The following CA5B variants were observed in gnomAD, a reference collection of about 807,000 sequenced individuals.
CA5B encodes carbonic anhydrase 5B.
CA5B carries 15 observed loss-of-function variants against 23.1 expected under a neutral mutation model. The ratio of observed to expected loss-of-function variants is 0.65; its 90% CI spans 0.43 to 1.00. The LOEUF (loss-of-function observed/expected upper bound fraction) is 1.00, where lower values mean the gene tolerates loss of function less well. Ranked by LOEUF, CA5B falls within the 50% of genes least tolerant of loss-of-function variation. CA5B has a pLI of 0.00. For synonymous variants in CA5B, 84 were observed against 98.5 expected (o/e 0.85, Z 0.87); for missense variants, 236 against 252.2 (o/e 0.94, Z 0.43).
At chrX:15,757,358 A>G (rs1476165396) in intron 2 of CA5B, among the ~76,000 whole-genome samples, 1 of 112,071 alleles carries the variant, frequency 8.9e-6, no homozygotes, top group Non-Finnish European at 1.9e-5. Flanking sequence ...CTACTAAAAA[A>G]TAGAAAAATT....
chrX:15,776,606 G>A (rs760884987), intron 6 of CA5B, 108 bp from the exon 7 acceptor site: 1 of 595,355 alleles, frequency 1.7e-6, no homozygotes, highest in East Asian at 3.3e-5. Flanking sequence ...AGCTGCTCTG[G>A]ACCACTGCTG....
intron 6 of CA5B, chrX:15,776,018 G>C (rs1323568418): frequency 1.3e-6 from 1 of 751,169 alleles, no homozygotes; most frequent in Non-Finnish European, 1.6e-6. Flanking sequence ...TTCTTAAAAG[G>C]ACAATTCTCA....
chrX:15,787,843 A>G lies in CA5B; in HGVS notation c.*5179A>G, dbSNP rs1202394176. On this transcript the variant is annotated 3_prime_UTR_variant, in exon 8 of 8. Coordinates refer to ENST00000318636, the MANE Select transcript of CA5B (RefSeq NM_007220.4). ...GTGGCATGCACCTGTAATCCCAGCT[A>G]CGCAGGAGGCTGAGGCAGAAGAATC... 8.9e-6 allele frequency: 1 copy of G among 112,461 alleles called. No homozygotes were observed. Among genetic ancestry groups the G allele is most frequent in the Non-Finnish European group, 1.9e-5 (1 of 53,299 alleles). The allele number at this position is 112,461 out of a possible 1,213,427, so 9.3% of individuals were successfully genotyped here. A position where few individuals can be genotyped will look rare whatever the true frequency, so the allele number is the denominator to read the frequency against.
At chrX:15,741,617 C>T (rs983049363) in intron 1 of CA5B, among the ~76,000 whole-genome samples, 11 of 109,355 alleles carry the variant, frequency 1.0e-4, no homozygotes, top group African/African-American at 3.3e-4. Context: ...TACAGGCGCC[C>T]GCCACCACGC....
intron 1 of CA5B, among the ~76,000 whole-genome samples, chrX:15,747,829 C>T (rs1033027887): frequency 4.5e-5 from 5 of 111,000 alleles, no homozygotes; most frequent in Admixed American, 9.6e-5. Context: ...GTGTCTCACA[C>T]GGAGAAGATT....
At position 15,776,877 on chromosome X, in the gene CA5B, C is replaced by G. The variant is rs1569056879; in HGVS notation, c.774+8C>G. 5.0e-6 allele frequency: 6 copies of G among 1,197,220 alleles called. No individual in the cohort carries two copies. In the South Asian group the frequency reaches 1.1e-4, roughly 21 times the overall value. On this transcript the variant is annotated splice_region_variant and intron_variant, in intron 7 of 7. Coordinates refer to ENST00000318636, the MANE Select transcript of CA5B (RefSeq NM_007220.4). ...GAGGTTGATCATGATCAGGTATGTTCTCTCCATAATTTCAATCTAAGGAAA... is the reference window on the plus strand; with the variant it reads ...GAGGTTGATCATGATCAGGTATGTTGTCTCCATAATTTCAATCTAAGGAAA...
intron 7 of CA5B, among the ~76,000 whole-genome samples, chrX:15,782,045 T>C (rs780879490): frequency 1.5e-4 from 17 of 112,923 alleles, no homozygotes; most frequent in Non-Finnish European, 2.6e-4. Context: ...CATGATTCAG[T>C]TAAATTGTTT....
intron 2 of CA5B, among the ~76,000 whole-genome samples, chrX:15,759,912 C>T: frequency 9.3e-6 from 1 of 107,494 alleles, no homozygotes; most frequent in Non-Finnish European, 1.9e-5. Context: ...ACCACCACGC[C>T]CAGCTAATTT....
At chrX:15,775,947 T>G in intron 6 of CA5B, 1 of 750,906 alleles carries the variant, frequency 1.3e-6, no homozygotes, top group Non-Finnish European at 1.6e-6. Flanking sequence ...ATCTCCATTT[T>G]CCTGTTTTTC....
chrX:15,771,778 G>A (rs1049708568), intron 3 of CA5B, among the ~76,000 whole-genome samples: 4 of 109,662 alleles, frequency 3.6e-5, no homozygotes, highest in Non-Finnish European at 7.6e-5. Context: ...ACATTTACCA[G>A]GTACAATGTA....
At chrX:15,782,336 T>A (rs946064189) in intron 7 of CA5B, 149 bp from the exon 8 acceptor site, 1 of 522,627 alleles carries the variant, frequency 1.9e-6, no homozygotes, top group African/African-American at 2.3e-5. Context: ...CCCTGTCAAG[T>A]GGTGAAGGCG....
chrX:15,770,932 TA>T (rs1213122735), intron 3 of CA5B, among the ~76,000 whole-genome samples: 1 of 109,038 alleles, frequency 9.2e-6, no homozygotes, highest in African/African-American at 3.3e-5. Flanking sequence ...CATGCCCAGC[TA>T]ATTTTTTTTT....
At chrX:15,757,653 A>G (rs1194895489) in intron 2 of CA5B, among the ~76,000 whole-genome samples, 2 of 107,988 alleles carry the variant, frequency 1.9e-5, no homozygotes, top group Non-Finnish European at 3.8e-5. Flanking sequence ...GGTTGCAGTG[A>G]GCCAAGATCG....
rs1261329471 is a variant in CA5B at position 15,785,921 on chromosome X, A to G, written c.*3257A>G. 2 of 110,119 alleles carry G rather than the reference A, an allele frequency of 1.8e-5. No homozygotes were observed. Among genetic ancestry groups the G allele is most frequent in the Non-Finnish European group, 3.8e-5 (2 of 52,718 alleles). 9.1% of individuals were successfully genotyped at this position (110,119 alleles called of 1,213,427 possible). ...AGAGTCGCGCTGTCACCCGGGCTGGAGTGCAGTGGCGCGATCTCGGCTCAC... is the reference window on the plus strand; with the variant it reads ...AGAGTCGCGCTGTCACCCGGGCTGGGGTGCAGTGGCGCGATCTCGGCTCAC... On this transcript the variant is annotated 3_prime_UTR_variant, in exon 8 of 8. Transcript: ENST00000318636.
chrX:15,738,814 G>A (rs183459627), intron 1 of CA5B, among the ~76,000 whole-genome samples: 15 of 110,962 alleles, frequency 1.4e-4, no homozygotes, highest in Admixed American at 1.3e-3. Flanking sequence ...CAGTAAACTG[G>A]AACTCCCTCA....
rs1569274328 is a variant in CA5B, at chrX:15,750,151, C to T, written c.128C>T (p.Thr43Ile). 2 of 1,208,138 alleles carry T rather than the reference C, an allele frequency of 1.7e-6. No homozygotes were observed. Among genetic ancestry groups the T allele is most frequent in the Non-Finnish European group, 2.2e-6 (2 of 892,828 alleles). ...AGCCTCTATACTTGTACTTACAAAA[C>T]CCGGAACCGAGCCTGTGAGTACACC... Reference protein sequence around the residue: ...PCSLYTCTYKTRNRALHPLWE... With the variant: ...PCSLYTCTYKIRNRALHPLWE... Residue 43 changes from threonine (T) to isoleucine (I), a missense_variant, in exon 2 of 8, where the codon ACC becomes ATC. By Grantham distance (89) the Thr-to-Ile change is moderately conservative. This residue lies in a region of CA5B where 54 missense variants were observed against 46.6 expected (regional missense o/e 1.16). Coordinates refer to ENST00000318636, the MANE Select transcript of CA5B (RefSeq NM_007220.4).
At chrX:15,739,480 G>A (rs1262248987) in intron 1 of CA5B, among the ~76,000 whole-genome samples, 1 of 108,793 alleles carries the variant, frequency 9.2e-6, no homozygotes, top group Non-Finnish European at 1.9e-5. Flanking sequence ...TCAGCATCAG[G>A]GTTGGAATTC....
intron 7 of CA5B, among the ~76,000 whole-genome samples, chrX:15,781,196 C>G (rs188438366): frequency 1.8e-5 from 2 of 110,125 alleles, no homozygotes; most frequent in Non-Finnish European, 1.9e-5. Flanking sequence ...AGGCTGGTCT[C>G]GAACTTCTGA....
chrX:15,775,601 CAG>C (rs776779479), intron 6 of CA5B: 51 of 820,034 alleles, frequency 6.2e-5, no homozygotes, highest in Non-Finnish European at 7.4e-5. Flanking sequence ...TGAACACACC[CAG>C]AGCAGCCTTC....
Sources: gnomAD v4.1 joint callset for allele counts (sites outside exome capture counted in the v4.1 genomes callset) on GRCh38, gnomAD v4.1.1 for gene constraint, gnomAD v4.1.1 regional missense constraint, MANE v1.5 for transcripts, NCBI Gene and HGNC (gene_info 2026-07-23, HGNC 2026-07-21) for gene names.